Variants in TANC2 observed in about 807,000 individuals in gnomAD.
TANC2 encodes the protein protein TANC2.
TANC2 carries 26 observed loss-of-function variants against 210.5 expected under a neutral mutation model. The ratio of observed to expected loss-of-function variants is 0.12; its 90% confidence interval spans 0.09 to 0.17. The LOEUF (loss-of-function observed/expected upper bound fraction) is 0.17. Ranked by LOEUF, TANC2 falls within the 10% of genes least tolerant of loss-of-function variation. The pLI is 1.00. For synonymous variants in TANC2, 931 were observed against 967.1 expected, an observed-to-expected ratio of 0.96 and a Z score of 0.69; for missense variants, 2,129 against 2,608.9, an observed-to-expected ratio of 0.82 and a Z score of 4.01.
chr17:63,075,910 G>A (rs1239103989), intron 3 of TANC2, among the ~76,000 whole-genome samples: 2 of 152,160 alleles, frequency 1.3e-5, no homozygotes, highest in Non-Finnish European at 2.9e-5. Context: ...TAAAACGTTT[G>A]TTACCTCGAG....
intron 2 of TANC2, among the ~76,000 whole-genome samples, chr17:63,035,886 A>C: frequency 6.6e-6 from 1 of 152,128 alleles, no homozygotes; most frequent in East Asian, 1.9e-4. Context: ...CAATTGTAAA[A>C]AATTTTAGCT....
chr17:63,414,585 T>C (rs1412638458), intron 25 of TANC2, among the ~76,000 whole-genome samples: 1 of 152,254 alleles, frequency 6.6e-6, no homozygotes, highest in African/African-American at 2.4e-5. Context: ...ACTTCTGGTA[T>C]TCTGAGGCGA....
At chr17:63,108,661 C>A (rs1021144408) in intron 4 of TANC2, among the ~76,000 whole-genome samples, 17 of 151,220 alleles carry the variant, frequency 1.1e-4, no homozygotes, top group African/African-American at 3.7e-4. Flanking sequence ...ATACAAAAAT[C>A]AGCTGGGTGT....
At chr17:63,007,970 ATTGC>A (rs1184914218) in intron 1 of TANC2, among the ~76,000 whole-genome samples, 2 of 140,798 alleles carry the variant, frequency 1.4e-5, no homozygotes, top group Admixed American at 1.4e-4. Context: ...CTGAGAGTAA[ATTGC>A]TTGATTGGCG....
intron 2 of TANC2, among the ~76,000 whole-genome samples, chr17:63,039,506 A>G (rs549013426): frequency 6.4e-4 from 97 of 152,298 alleles, no homozygotes; most frequent in African/African-American, 2.2e-3. Flanking sequence ...CGTTCAATAT[A>G]CAGACTGCAG....
intron 2 of TANC2, among the ~76,000 whole-genome samples, chr17:63,031,773 TAATA>T (rs1470531387): frequency 2.0e-5 from 3 of 152,150 alleles, no homozygotes; most frequent in Non-Finnish European, 4.4e-5. Flanking sequence ...ATACTGCCTG[TAATA>T]AATAAACCAG....
At chr17:63,223,759 C>T (rs192323280) in intron 7 of TANC2, among the ~76,000 whole-genome samples, 259 of 152,092 alleles carry the variant, frequency 1.7e-3, no homozygotes, top group Non-Finnish European at 3.1e-3. Context: ...GCAGTGAGGG[C>T]AAGCAGAGGT....
At chr17:63,363,928 ATTC>A (rs931783305) in intron 14 of TANC2, among the ~76,000 whole-genome samples, 3 of 152,210 alleles carry the variant, frequency 2.0e-5, no homozygotes, top group African/African-American at 7.2e-5. Context: ...TTCACTTCTA[ATTC>A]TTCTCTATCT....
intron 2 of TANC2, among the ~76,000 whole-genome samples, chr17:63,014,673 A>T (rs1391314604): frequency 6.6e-6 from 1 of 152,234 alleles, no homozygotes; most frequent in Non-Finnish European, 1.5e-5. Flanking sequence ...AAATTATTAC[A>T]TACTAGACTT....
chr17:63,140,952 G>C (rs1224583042), intron 4 of TANC2, among the ~76,000 whole-genome samples: 1 of 152,044 alleles, frequency 6.6e-6, no homozygotes, highest in African/African-American at 2.4e-5. Context: ...GTTTCGCCAT[G>C]TTGGCCAGGC....
intron 8 of TANC2, among the ~76,000 whole-genome samples, chr17:63,243,113 G>A (rs181244654): frequency 3.2e-4 from 48 of 152,246 alleles, no homozygotes; most frequent in Admixed American, 3.1e-3. Context: ...CAGCATCCAA[G>A]CTTGTTAGTT....
intron 4 of TANC2, among the ~76,000 whole-genome samples, chr17:63,147,175 A>G (rs1055410962): frequency 1.3e-5 from 2 of 150,214 alleles, no homozygotes; most frequent in Non-Finnish European, 2.9e-5. Context: ...TCTACCAAAA[A>G]AAAAAGAAAT....
intron 4 of TANC2, among the ~76,000 whole-genome samples, chr17:63,127,587 T>C (rs899424774): frequency 1.3e-5 from 2 of 152,234 alleles, no homozygotes; most frequent in African/African-American, 4.8e-5. Context: ...TGAAAATCTA[T>C]TCATGCTTTA....
intron 4 of TANC2, among the ~76,000 whole-genome samples, chr17:63,123,362 A>C (rs371551415): frequency 3.9e-5 from 6 of 151,950 alleles, no homozygotes; most frequent in East Asian, 1.9e-4. Flanking sequence ...TCAAGACCAT[A>C]CTGGCTGGCG....
intron 4 of TANC2, among the ~76,000 whole-genome samples, chr17:63,101,841 A>G (rs1220530250): frequency 1.3e-5 from 2 of 152,188 alleles, no homozygotes; most frequent in African/African-American, 4.8e-5. Flanking sequence ...CTGAGTTTTC[A>G]ATTTAAGAAG....
At chr17:63,409,703 C>G (rs1599063391) in intron 21 of TANC2, among the ~76,000 whole-genome samples, 1 of 152,252 alleles carries the variant, frequency 6.6e-6, no homozygotes, top group African/African-American at 2.4e-5. Flanking sequence ...AGGCTACAAA[C>G]CTGTACAGCG....
chr17:63,045,217 G>C (rs1007688262), intron 2 of TANC2, among the ~76,000 whole-genome samples: 1 of 152,292 alleles, frequency 6.6e-6, no homozygotes, highest in East Asian at 1.9e-4. Context: ...TTGAGTAGTC[G>C]TGACAGGGAG....
intron 8 of TANC2, among the ~76,000 whole-genome samples, 187 bp downstream of exon 8, chr17:63,238,264 C>T (rs1886141690): frequency 1.3e-5 from 2 of 152,076 alleles, no homozygotes; most frequent in African/African-American, 2.4e-5. Flanking sequence ...GGAGAAGGTT[C>T]ATCTTCCTCG....
At chr17:63,058,113 A>G (rs1033489097) in intron 2 of TANC2, among the ~76,000 whole-genome samples, 1 of 152,132 alleles carries the variant, frequency 6.6e-6, no homozygotes, top group Non-Finnish European at 1.5e-5. Flanking sequence ...TTACTTTTTT[A>G]GTAATAGGCA....
Sources: gnomAD v4.1 joint callset for allele counts (sites outside exome capture counted in the v4.1 genomes callset) on GRCh38, gnomAD v4.1.1 for gene constraint, MANE v1.5 for transcripts, NCBI Gene and HGNC (gene_info 2026-07-23, HGNC 2026-07-21) for gene names.